Variants in PALM2AKAP2 observed in about 807,000 individuals in gnomAD.
PALM2AKAP2 encodes PALM2 and AKAP2 fusion.
PALM2AKAP2 carries 37 observed loss-of-function variants against 71.5 expected under a neutral mutation model. That is an observed-to-expected ratio of 0.52 (90% CI 0.40 to 0.68). PALM2AKAP2 has a LOEUF of 0.68. PALM2AKAP2 is among the 30% of genes least tolerant of loss of function. The probability of loss-of-function intolerance (pLI) is 0.00; values close to 1 mark genes in which losing one functional copy is unlikely to be tolerated. For synonymous variants in PALM2AKAP2, 468 were observed against 478.8 expected (o/e 0.98, Z 0.29); for missense variants, 1,224 against 1,191.8 (o/e 1.03, Z -0.40).
chr9:109,708,916 C>T (rs986114087), intron 1 of PALM2AKAP2, among the ~76,000 whole-genome samples: 5 of 152,136 alleles, frequency 3.3e-5, no homozygotes, highest in African/African-American at 7.2e-5. Flanking sequence ...ATGGTGTGAA[C>T]GTCAGGAAGG....
intron 6 of PALM2AKAP2, among the ~76,000 whole-genome samples, chr9:109,997,962 C>A (rs566941486): frequency 6.6e-6 from 1 of 152,336 alleles, no homozygotes; most frequent in Non-Finnish European, 1.5e-5. Flanking sequence ...CTAATGCCCA[C>A]CCTGCTGAGA....
intron 6 of PALM2AKAP2, among the ~76,000 whole-genome samples, chr9:109,952,696 C>T (rs145191046): frequency 1.3e-5 from 2 of 152,214 alleles, no homozygotes; most frequent in African/African-American, 4.8e-5. Context: ...TCATCTTACA[C>T]AGTGAATGGC....
intron 7 of PALM2AKAP2, among the ~76,000 whole-genome samples, chr9:110,021,513 A>G (rs1197171637): frequency 6.6e-6 from 1 of 152,188 alleles, no homozygotes; most frequent in Non-Finnish European, 1.5e-5. Context: ...CTTGAGTGCA[A>G]ATGCCATAGA....
At chr9:109,707,112 G>A in intron 1 of PALM2AKAP2, among the ~76,000 whole-genome samples, 1 of 152,148 alleles carries the variant, frequency 6.6e-6, no homozygotes, top group East Asian at 1.9e-4. Context: ...TGAAAACAGA[G>A]TCACAGTTTC....
intron 1 of PALM2AKAP2, among the ~76,000 whole-genome samples, chr9:109,854,763 CTTTT>C (rs34401582): frequency 3.0e-5 from 2 of 66,158 alleles, no homozygotes; most frequent in Non-Finnish European, 5.3e-5. Context: ...AAGAATGTAT[CTTTT>C]TTTTTTTTTT....
intron 1 of PALM2AKAP2, among the ~76,000 whole-genome samples, chr9:109,764,515 T>G (rs1041831071): frequency 2.6e-5 from 4 of 152,230 alleles, no homozygotes; most frequent in Non-Finnish European, 4.4e-5. Context: ...GACCCTTCTC[T>G]GGCAGTTCCC....
At chr9:110,002,631 G>A (rs142450435) in intron 6 of PALM2AKAP2, among the ~76,000 whole-genome samples, 1 of 152,270 alleles carries the variant, frequency 6.6e-6, no homozygotes, top group African/African-American at 2.4e-5. Context: ...TGTACCTCTG[G>A]TAGAATTCAG....
intron 3 of PALM2AKAP2, among the ~76,000 whole-genome samples, chr9:109,895,520 G>A (rs889357946): frequency 1.3e-5 from 2 of 152,232 alleles, no homozygotes; most frequent in African/African-American, 4.8e-5. Flanking sequence ...TGGGAAAGCA[G>A]AAGTCAAACT....
At chr9:110,051,903 A>AC (rs201586024) in intron 1 of PALM2AKAP2, among the ~76,000 whole-genome samples, 41 of 146,420 alleles carry the variant, frequency 2.8e-4, no homozygotes, top group Middle Eastern at 3.6e-3. Context: ...AGCAAATTGC[A>AC]CCCTTTTTTT....
At position 109,836,170 on chromosome 9, in the gene PALM2AKAP2, C is replaced by T. The variant is rs530533208; in HGVS notation, c.46-31321C>T. On this transcript the variant is annotated intron_variant, in intron 1 of 9. Coordinates refer to the PALM2AKAP2 transcript ENST00000302798. ...ACACCTCACATGGCCGGATACCCCT[C>T]TGAGATGAAGCTTCCAGAGGAATGA... Among the ~76,000 whole-genome samples the T allele has an allele frequency of 1.5e-4, 23 of 152,320 alleles. 1 individual carries two copies. The highest frequency in any genetic ancestry group is 8.3e-4 in the South Asian group (4 of 4,826).
chr9:109,650,922 C>G (rs928891116), intron 1 of PALM2AKAP2, among the ~76,000 whole-genome samples: 6 of 152,134 alleles, frequency 3.9e-5, no homozygotes, highest in Admixed American at 1.3e-4. Context: ...TATCTTTATT[C>G]TCTCTCAATT....
At position 109,940,028 on chromosome 9, in the gene PALM2AKAP2, G is replaced by T. The variant is rs188176026; in HGVS notation, c.496+8000G>T. Among the ~76,000 whole-genome samples, 6 of 152,270 alleles carry T rather than the reference G, an allele frequency of 3.9e-5. No homozygotes were observed. In the East Asian group the frequency reaches 1.2e-3, roughly 29 times the overall value. On this transcript the variant is annotated intron_variant, in intron 6 of 9. Transcript: ENST00000302798. ...CAAACAAGTTCAAACATTAATTACT[G>T]TGTGTACCATTTCATTGGTGTCATA...
chr9:110,090,458 A>G (rs1434086757), intron 1 of PALM2AKAP2: 2 of 456,532 alleles, frequency 4.4e-6, no homozygotes, highest in Admixed American at 4.7e-5. Context: ...TGCTTGCTGC[A>G]GAGGGAACTT....
chr9:109,812,393 T>C (rs1018143187), intron 1 of PALM2AKAP2, among the ~76,000 whole-genome samples: 1 of 151,864 alleles, frequency 6.6e-6, no homozygotes, highest in African/African-American at 2.4e-5. Flanking sequence ...AGAACCTGGG[T>C]TGGTCTCTTT....
chr9:109,935,242 C>T (rs1831194914), intron 6 of PALM2AKAP2, among the ~76,000 whole-genome samples: 1 of 152,232 alleles, frequency 6.6e-6, no homozygotes, highest in African/African-American at 2.4e-5. Flanking sequence ...CACTTTGCTT[C>T]TCAGTTTAGT....
intron 1 of PALM2AKAP2, among the ~76,000 whole-genome samples, chr9:109,746,210 G>A (rs1304236903): frequency 6.6e-6 from 1 of 152,204 alleles, no homozygotes; most frequent in Admixed American, 6.5e-5. Context: ...AAAATCCACT[G>A]TGCTCTTGGT....
At chr9:109,780,041 C>T (rs1450046847), upstream of PALM2AKAP2, among the ~76,000 whole-genome samples, 5 of 151,412 alleles carry the variant, frequency 3.3e-5, no homozygotes, top group Non-Finnish European at 7.4e-5. Context: ...GCTCGCGCGC[C>T]CTCCGTCTGC....
intron 2 of PALM2AKAP2, among the ~76,000 whole-genome samples, chr9:110,142,470 A>G (rs1836059135): frequency 6.6e-6 from 1 of 152,240 alleles, no homozygotes; most frequent in African/African-American, 2.4e-5. Flanking sequence ...GTGAATAAAA[A>G]TGTATAGTCC....
chr9:110,134,012 C>T (rs1010062389), intron 1 of PALM2AKAP2, among the ~76,000 whole-genome samples: 1 of 152,198 alleles, frequency 6.6e-6, no homozygotes, highest in Non-Finnish European at 1.5e-5. Context: ...GCTGGCCATG[C>T]AGGGTGGCTC....
Sources: gnomAD v4.1 joint callset for allele counts (sites outside exome capture counted in the v4.1 genomes callset) on GRCh38, gnomAD v4.1.1 for gene constraint, MANE v1.5 for transcripts, NCBI Gene and HGNC (gene_info 2026-07-23, HGNC 2026-07-21) for gene names.